ROBO2: variants seen among roughly 807,000 people sequenced by gnomAD.
The protein encoded by ROBO2 is roundabout guidance receptor 2.
ROBO2 carries 53 observed loss-of-function variants against 160.8 expected under a neutral mutation model. The observed-to-expected ratio is 0.33, with a 90% CI of 0.26 to 0.41. The LOEUF (loss-of-function observed/expected upper bound fraction) is 0.41, where lower values mean the gene tolerates loss of function less well. ROBO2 is among the 10% of genes least tolerant of loss of function. The probability of loss-of-function intolerance (pLI) is 1.00; values close to 1 mark genes in which losing one functional copy is unlikely to be tolerated. For missense variants in ROBO2, 1,577 were observed against 1,722.4 expected (o/e 0.92, Z 1.49); for synonymous variants, 664 against 611.7 (o/e 1.09, Z -1.26).
chr3:77,421,030 T>C (rs922213459), intron 2 of ROBO2, among the ~76,000 whole-genome samples: 2 of 152,122 alleles, frequency 1.3e-5, no homozygotes, highest in Non-Finnish European at 2.9e-5. Flanking sequence ...CAAGAAAGTA[T>C]AGTATGGAAG....
At chr3:76,696,079 T>G (rs2107336637) in intron 2 of ROBO2, among the ~76,000 whole-genome samples, 1 of 152,284 alleles carries the variant, frequency 6.6e-6, no homozygotes, top group Non-Finnish European at 1.5e-5. Context: ...CAAAGTGTTC[T>G]TAGCCAGTTT....
At chr3:77,287,032 C>T (rs771736500) in intron 2 of ROBO2, among the ~76,000 whole-genome samples, 9 of 152,194 alleles carry the variant, frequency 5.9e-5, no homozygotes, top group Non-Finnish European at 1.2e-4. Context: ...AAAGAAGGCT[C>T]TCTTTGACAA....
intron 2 of ROBO2, among the ~76,000 whole-genome samples, chr3:76,995,906 G>C (rs2060973880): frequency 6.6e-6 from 1 of 152,104 alleles, no homozygotes; most frequent in Admixed American, 6.5e-5. Flanking sequence ...TAGGTTGCCT[G>C]TTCACTCTGA....
intron 22 of ROBO2, 198 bp downstream of exon 23, chr3:77,617,971 C>T: frequency 1.6e-6 from 1 of 607,284 alleles, no homozygotes; most frequent in South Asian, 2.0e-5. Flanking sequence ...AGAACTAGAA[C>T]TAGAACTGGA....
At chr3:76,173,301 G>A (rs567750120) in intron 2 of ROBO2, among the ~76,000 whole-genome samples, 1 of 151,616 alleles carries the variant, frequency 6.6e-6, no homozygotes, top group East Asian at 1.9e-4. Context: ...ATTCAGATAA[G>A]TCTATCTAAC....
rs188718459 is a variant in ROBO2 at position 76,250,957 on chromosome 3, A to G, written c.109+313355A>G. The stretch of plus-strand genomic sequence containing the variant: ...TTCACCTGAATTATTAGAGCTGTGT[A>G]AATCCCAGAAACTATAAAGGTGATA... On this transcript the variant is annotated intron_variant, in intron 2 of 26. Coordinates refer to the ROBO2 transcript ENST00000487694. 7.9e-5 allele frequency among the ~76,000 whole-genome samples: 12 copies of G among 152,158 alleles called. No homozygotes were observed. The East Asian group carries it at 2.3e-3, about 29-fold the overall frequency.
chr3:76,157,414 T>C (rs1322366630), intron 2 of ROBO2, among the ~76,000 whole-genome samples: 1 of 140,736 alleles, frequency 7.1e-6, no homozygotes. Context: ...TGTAAAAAAA[T>C]GAAAGTATTT....
chr3:76,256,346 TCTC>T (rs1167163192), intron 2 of ROBO2, among the ~76,000 whole-genome samples: 17 of 82,756 alleles, frequency 2.1e-4, no homozygotes, highest in Non-Finnish European at 3.1e-4. Context: ...TCTCTCTCTC[TCTC>T]TCTCACATAC....
chr3:76,969,684 G>C (rs2059477035), intron 2 of ROBO2, among the ~76,000 whole-genome samples: 1 of 152,050 alleles, frequency 6.6e-6, no homozygotes, highest in Non-Finnish European at 1.5e-5. Context: ...GTTTTAAAAA[G>C]AGCATTCCAG....
At chr3:77,284,149 T>C (rs2060426584) in intron 2 of ROBO2, among the ~76,000 whole-genome samples, 1 of 152,164 alleles carries the variant, frequency 6.6e-6, no homozygotes, top group African/African-American at 2.4e-5. Flanking sequence ...CCCATTCAAT[T>C]ACTTATTGTC....
chr3:76,097,046 A>C (rs1377286183), intron 2 of ROBO2, among the ~76,000 whole-genome samples: 1 of 152,050 alleles, frequency 6.6e-6, no homozygotes, highest in Non-Finnish European at 1.5e-5. Context: ...TTACTCAGCA[A>C]CATTATCTAT....
intron 2 of ROBO2, among the ~76,000 whole-genome samples, chr3:76,830,776 A>C (rs1398644579): frequency 6.6e-6 from 1 of 150,832 alleles, no homozygotes; most frequent in Non-Finnish European, 1.5e-5. Context: ...CCAGAATTTG[A>C]GATGACGCTG....
At chr3:76,131,950 T>A (rs1487760553) in intron 2 of ROBO2, among the ~76,000 whole-genome samples, 1 of 152,086 alleles carries the variant, frequency 6.6e-6, no homozygotes, top group Non-Finnish European at 1.5e-5. Context: ...TAACCAAATA[T>A]TACTAGCAAA....
chr3:76,359,150 A>G (rs1018724729), intron 2 of ROBO2, among the ~76,000 whole-genome samples: 5 of 151,650 alleles, frequency 3.3e-5, no homozygotes, highest in Admixed American at 1.3e-4. Flanking sequence ...TGTGTGCCAC[A>G]TTTTCTTAAT....
intron 2 of ROBO2, among the ~76,000 whole-genome samples, chr3:76,976,718 ATAGT>A (rs1398204738): frequency 6.6e-6 from 1 of 152,208 alleles, no homozygotes; most frequent in Non-Finnish European, 1.5e-5. Flanking sequence ...GTCTGAAAAC[ATAGT>A]TAATGTTTTA....
intron 2 of ROBO2, among the ~76,000 whole-genome samples, chr3:76,082,160 T>C (rs1352800339): frequency 6.6e-6 from 1 of 152,060 alleles, no homozygotes; most frequent in African/African-American, 2.4e-5. Flanking sequence ...AGGTAAGAAA[T>C]TTCAATCCAT....
rs141159910 is a variant in ROBO2 at position 76,309,341 on chromosome 3, A to G, written c.109+371739A>G. ...TAAATTCACTATTTATAAAATGGGC[A>G]TAAGTTTTTCCTTCCTCACACAGAA... On this transcript the variant is annotated intron_variant, in intron 2 of 26. Transcript: ENST00000487694. 1.5e-3 allele frequency among the ~76,000 whole-genome samples: 233 copies of G among 152,364 alleles called. 1 individual carries two copies. The highest frequency in any genetic ancestry group is 5.0e-3 in the African/African-American group (208 of 41,588).
intron 2 of ROBO2, among the ~76,000 whole-genome samples, chr3:76,541,657 A>G (rs916566217): frequency 2.0e-5 from 3 of 152,222 alleles, no homozygotes; most frequent in African/African-American, 7.2e-5. Flanking sequence ...TGGCACACGT[A>G]AGAGAGGAGG....
chr3:77,200,267 T>TATATATA (rs2082724800), intron 2 of ROBO2, among the ~76,000 whole-genome samples: 5 of 46,588 alleles, frequency 1.1e-4, no homozygotes, highest in Non-Finnish European at 1.6e-4. Flanking sequence ...CTAACATATT[T>TATATATA]TATATATATA....
Sources: allele counts gnomAD v4.1 joint callset (sites outside exome capture counted in the v4.1 genomes callset), GRCh38; gene constraint gnomAD v4.1.1; transcripts MANE v1.5; gene names NCBI Gene and HGNC (gene_info 2026-07-23, HGNC 2026-07-21).